The following ABR variants were observed in gnomAD, a reference collection of about 807,000 sequenced individuals.
ABR encodes the protein active breakpoint cluster region-related protein.
Under a neutral mutation model 107.2 loss-of-function variants are expected in ABR, and 35 were observed. That is an observed-to-expected ratio of 0.33 (90% confidence interval 0.25 to 0.43). ABR has a LOEUF of 0.43. Ranked by LOEUF, ABR falls within the 20% of genes least tolerant of loss-of-function variation. ABR has a pLI of 1.00. For synonymous variants in ABR, 498 were observed against 462.0 expected, an observed-to-expected ratio of 1.08 and a Z score of -1.00; for missense variants, 815 against 1,115.2, an observed-to-expected ratio of 0.73 and a Z score of 3.83.
chr17:1,101,941 G>A (rs190487023), intron 2 of ABR, among the ~76,000 whole-genome samples: 90 of 152,156 alleles, frequency 5.9e-4, no homozygotes, highest in African/African-American at 2.0e-3. Context: ...CACCGTGTTA[G>A]CCAGGATGGT....
Position 1,058,815 on chromosome 17 carries a change from A to T in ABR, c.1235T>A (p.Phe412Tyr). 1 of 1,614,022 alleles carries T rather than the reference A, an allele frequency of 6.2e-7. No homozygotes were observed. Among genetic ancestry groups the T allele is most frequent in the Admixed American group, 1.7e-5 (1 of 60,014 alleles). ...GAGCAGCAGCAGGAACTCATTCTCA[A>T]ACATCTTCTTCTTCAGGCGCTCGAT... ...RAIERLKKKM[F>Y]ENEFLLLLNS... Residue 412 changes from phenylalanine to tyrosine, a missense_variant, in exon 11 of 23, where the codon TTT (phenylalanine) becomes TAT (tyrosine). This residue lies in a region of ABR where 385 missense variants were observed against 596.9 expected (regional missense o/e 0.64). Transcript: ENST00000302538.
In ABR at chr17:1,083,573, C is replaced by T; in HGVS notation, c.586G>A (p.Glu196Lys). 1.2e-6 allele frequency: 2 copies of T among 1,613,660 alleles called. No individual in the cohort carries two copies. Among genetic ancestry groups the T allele is most frequent in the East Asian group, 2.2e-5 (1 of 44,842 alleles). ...GACTGGCTGCACTTCTCAGCTGTCT[C>T]CAGAGCGACTTTATAGTTATCGACA... ...AFVDNYKVAL[E>K]TAEKCSQSNN... Residue 196 changes from glutamate to lysine, a missense_variant, in exon 5 of 23, where the codon GAG becomes AAG. By Grantham distance (56) the Glu-to-Lys change is moderately conservative. Transcript: ENST00000302538.
At chr17:1,056,209 G>T in intron 13 of ABR, 100 bp from the exon 14 acceptor site, 2 of 1,054,900 alleles carry the variant, frequency 1.9e-6, no homozygotes, top group Non-Finnish European at 2.9e-6. Context: ...AGACTCAGCT[G>T]AGTCTTGGTC....
At position 1,006,136 on chromosome 17, in the gene ABR, G is replaced by A. The variant is rs1267794219; in HGVS notation, c.2524C>T (p.Pro842Ser). ...CGCTTGAGTTCTGCGAAGGAAATGGGGGGGTGCTGCAGGTAGTAGAGGAGG... is the reference window on the plus strand; with the variant it reads ...CGCTTGAGTTCTGCGAAGGAAATGGAGGGGTGCTGCAGGTAGTAGAGGAGG... Reference protein sequence around the residue: ...QVLLYYLQHPPISFAELKRNT... With the variant: ...QVLLYYLQHPSISFAELKRNT... Residue 842 changes from proline to serine, a missense_variant, in exon 23 of 23, where the codon CCC becomes TCC. Pro to Ser is a moderately conservative substitution (Grantham distance 74). This residue lies in a region of ABR where 34 missense variants were observed against 26.8 expected (regional missense o/e 1.27). Transcript: ENST00000302538. The A allele has an allele frequency of 6.3e-7, 1 of 1,588,162 alleles. No individual in the cohort carries two copies. The highest frequency in any genetic ancestry group is 8.6e-7 in the Non-Finnish European group (1 of 1,166,960).
chr17:1,106,414 C>T (rs368408743), intron 2 of ABR, among the ~76,000 whole-genome samples: 10 of 122,526 alleles, frequency 8.2e-5, no homozygotes, highest in African/African-American at 3.2e-4. Context: ...CAGAAATGAC[C>T]CTTGGCCTGC....
Position 1,007,102 on chromosome 17 carries a change from G to C in ABR, c.2490+63C>G, listed in dbSNP as rs1597326746. 3 of 462,128 alleles carry C rather than the reference G, an allele frequency of 6.5e-6. No individual in the cohort carries two copies. In the East Asian group the frequency reaches 1.2e-4, roughly 18 times the overall value. The allele number at this position is 462,128 out of a possible 1,614,324, so 28.6% of individuals were successfully genotyped here. On this transcript the variant is annotated intron_variant, in intron 22 of 22. Transcript: ENST00000302538. ...GGGCCCGGGCGGTGCCAGGGTACCT[G>C]CGCCATGACGTCATGGGACCGTCAC...
intron 16 of ABR, among the ~76,000 whole-genome samples, chr17:1,023,282 A>C (rs1182677227): frequency 6.6e-6 from 1 of 152,238 alleles, no homozygotes; most frequent in African/African-American, 2.4e-5. Context: ...GAGGAGAAGC[A>C]GACAAAATCC....
chr17:1,140,475 C>T (rs1038393372), intron 1 of ABR, among the ~76,000 whole-genome samples: 7 of 152,226 alleles, frequency 4.6e-5, no homozygotes, highest in African/African-American at 1.7e-4. Context: ...CCACCTGTAC[C>T]AGATCAGCCT....
chr17:1,141,322 A>C (rs80310170), intron 1 of ABR, among the ~76,000 whole-genome samples: 2 of 152,134 alleles, frequency 1.3e-5, no homozygotes, highest in South Asian at 4.1e-4. Flanking sequence ...GGGAGCCAGG[A>C]CAGCTCAGTG....
At chr17:1,069,608 G>A (rs2035045154) in intron 9 of ABR, among the ~76,000 whole-genome samples, 1 of 152,052 alleles carries the variant, frequency 6.6e-6, no homozygotes, top group East Asian at 1.9e-4. Context: ...GGAGGCAGAG[G>A]TTGCAGTGAG....
chr17:1,167,332 T>C (rs2041553004), intron 1 of ABR, among the ~76,000 whole-genome samples: 2 of 146,518 alleles, frequency 1.4e-5, no homozygotes, highest in African/African-American at 5.5e-5. Context: ...CTTCGTCTCT[T>C]CATAGCCACC....
intron 1 of ABR, among the ~76,000 whole-genome samples, chr17:1,196,772 G>A (rs181843793): frequency 2.6e-4 from 39 of 150,212 alleles, no homozygotes; most frequent in Middle Eastern, 3.5e-3. Context: ...CTGGCTCACC[G>A]CAAGCTCCGC....
At chr17:1,134,670 C>T (rs1018962991) in intron 1 of ABR, among the ~76,000 whole-genome samples, 2 of 152,180 alleles carry the variant, frequency 1.3e-5, no homozygotes, top group African/African-American at 2.4e-5. Context: ...CTCAAAGGCC[C>T]GGCAAGGCGG....
intron 1 of ABR, among the ~76,000 whole-genome samples, chr17:1,194,361 G>GT (rs1359901146): frequency 6.7e-6 from 1 of 150,254 alleles, no homozygotes; most frequent in African/African-American, 2.4e-5. Context: ...CTATTTTTTT[G>GT]TTTTGTTTTG....
chr17:1,208,973 A>G (rs914055688), intron 1 of ABR, among the ~76,000 whole-genome samples: 1 of 151,798 alleles, frequency 6.6e-6, no homozygotes, highest in African/African-American at 2.4e-5. Context: ...TTGTACATAC[A>G]TGTATGTAGT....
At chr17:1,101,895 A>G (rs138791172) in intron 2 of ABR, among the ~76,000 whole-genome samples, 1,781 of 151,910 alleles carry the variant, frequency 0.012, 23 homozygotes, top group African/African-American at 0.027. Context: ...CACCACGCCC[A>G]GCTAACTTTT....
upstream of ABR, among the ~76,000 whole-genome samples, chr17:1,180,139 G>A (rs1206868519): frequency 1.3e-5 from 2 of 151,856 alleles, no homozygotes; most frequent in Admixed American, 6.5e-5. Flanking sequence ...GGGGCAGCGG[G>A]GCTCCGGCGC....
In ABR at chr17:1,052,390, C is replaced by G. The variant is rs60988204; in HGVS notation, c.1562-1756G>C. Among the ~76,000 whole-genome samples, 290 of 59,264 alleles carry G rather than the reference C, an allele frequency of 4.9e-3. 1 individual carries two copies. Among genetic ancestry groups the G allele is most frequent in the Middle Eastern group, 0.016 (1 of 64 alleles). 38.9% of individuals were successfully genotyped at this position (59,264 alleles called of 152,430 possible). On this transcript the variant is annotated intron_variant, in intron 14 of 22. Transcript: ENST00000302538. Reference sequence around the variant, plus strand: ...GGTTCCGGAAGGGGCTGGGGGAGGGCTCACAGGGTCAGAGGGAGGGTTCCG... The same window carrying G: ...GGTTCCGGAAGGGGCTGGGGGAGGGGTCACAGGGTCAGAGGGAGGGTTCCG...
At chr17:1,176,997 C>T (rs1201014490) in intron 1 of ABR, among the ~76,000 whole-genome samples, 1 of 152,050 alleles carries the variant, frequency 6.6e-6, no homozygotes, top group Non-Finnish European at 1.5e-5. Context: ...AGGCAGGGAA[C>T]CTCTAACACC....
Sources: allele counts gnomAD v4.1 joint callset (sites outside exome capture counted in the v4.1 genomes callset), GRCh38; gene constraint gnomAD v4.1.1; regional missense constraint gnomAD v4.1.1; transcripts MANE v1.5; gene names NCBI Gene and HGNC (gene_info 2026-07-23, HGNC 2026-07-21).